TBC1D4: variants seen among roughly 807,000 people sequenced by gnomAD.
The protein encoded by TBC1D4 is TBC (Tre-2, BUB2, CDC16) domain-containing protein.
TBC1D4 carries 121 observed loss-of-function variants against 142.5 expected under a neutral mutation model. The observed-to-expected ratio is 0.85, with a 90% CI of 0.73 to 0.99. The LOEUF (loss-of-function observed/expected upper bound fraction) is 0.99. Ranked by LOEUF, TBC1D4 falls within the 50% of genes least tolerant of loss-of-function variation. The probability of loss-of-function intolerance (pLI) is 0.00; values close to 1 mark genes in which losing one functional copy is unlikely to be tolerated. For synonymous variants in TBC1D4, 630 were observed against 628.2 expected, an observed-to-expected ratio of 1.00 and a Z score of -0.04; for missense variants, 1,475 against 1,606.6, an observed-to-expected ratio of 0.92 and a Z score of 1.40.
At chr13:75,388,221 G>C (rs564333485) in intron 1 of TBC1D4, among the ~76,000 whole-genome samples, 1 of 152,184 alleles carries the variant, frequency 6.6e-6, no homozygotes, top group African/African-American at 2.4e-5. Context: ...TCTGCATCTC[G>C]AGGTCCTTAA....
chr13:75,353,848 C>T (rs187012869), intron 4 of TBC1D4, among the ~76,000 whole-genome samples: 38 of 152,280 alleles, frequency 2.5e-4, no homozygotes, highest in Admixed American at 5.2e-4. Flanking sequence ...GGCTTCCTTC[C>T]CAGCCGGACA....
At chr13:75,387,713 T>C (rs969767497) in intron 1 of TBC1D4, among the ~76,000 whole-genome samples, 1 of 152,240 alleles carries the variant, frequency 6.6e-6, no homozygotes, top group Non-Finnish European at 1.5e-5. Context: ...ATCACTTTGT[T>C]CATTTTCAAG....
In TBC1D4 at chr13:75,478,186, A is replaced by G. The variant is rs80204303; in HGVS notation, c.498+3084T>C. 4.6e-5 allele frequency among the ~76,000 whole-genome samples: 7 copies of G among 152,298 alleles called. No individual in the cohort carries two copies. The East Asian group carries it at 7.7e-4, about 17-fold the overall frequency. On this transcript the variant is annotated intron_variant, in intron 1 of 20. Transcript: ENST00000377636. ...ATACTCTTGAAAACATTATCATTTT[A>G]TATTAGTAACCACAATCCTCCAACT...
chr13:75,299,353 T>C lies in TBC1D4; in HGVS notation c.3133A>G (p.Arg1045Gly), dbSNP rs1876275742. 7 of 1,614,200 alleles carry C rather than the reference T, an allele frequency of 4.3e-6. No individual in the cohort carries two copies. Among genetic ancestry groups the C allele is most frequent in the Non-Finnish European group, 5.9e-6 (7 of 1,180,028 alleles). The change falls in exon 17 of 21, where the codon AGA becomes GGA. Residue 1045 changes from arginine (R) to glycine (G), a missense_variant. This residue lies in a region of TBC1D4 where 248 missense variants were observed against 338.9 expected (regional missense o/e 0.73). Coordinates refer to ENST00000377636, the MANE Select transcript of TBC1D4 (RefSeq NM_014832.5). ...MYDLGFRKQY[R>G]PDMMSLQIQM... is the part of the protein sequence containing the mutation. ...ACCTGCAGCGACATCATGTCAGGTC[T>C]GTACTGCTTGCGGAAGCCGAGGTCA...
intron 1 of TBC1D4, among the ~76,000 whole-genome samples, chr13:75,447,500 A>ATG (rs35775136): frequency 0.5 from 72,237 of 145,060 alleles, 17,430 homozygotes; most frequent in African/African-American, 0.51. Context: ...CATAGTGTGA[A>ATG]TGTGTGTGTG....
chr13:75,433,590 G>A (rs1886675761), intron 1 of TBC1D4, among the ~76,000 whole-genome samples: 1 of 152,132 alleles, frequency 6.6e-6, no homozygotes, highest in African/African-American at 2.4e-5. Context: ...AAGAGAGGCA[G>A]CCCTTTCCTA....
intron 1 of TBC1D4, among the ~76,000 whole-genome samples, chr13:75,405,665 C>T (rs1015252003): frequency 6.6e-6 from 1 of 152,086 alleles, no homozygotes; most frequent in Non-Finnish European, 1.5e-5. Context: ...TTTGTTTTAA[C>T]TTTTTATATT....
Position 75,289,012 on chromosome 13 carries a change from A to G in TBC1D4, c.3585T>C (p.Asp1195=), listed in dbSNP as rs373137539. ...TCTCCAGCTTCTCCAAAGTTTCACT[A>G]TCCTCACAGGAATATGAAGATTCCT... is the stretch of plus-strand genomic sequence containing the variant. ...ELQESSYSCE[D]SETLEKLERA... The change falls in exon 20 of 21, where the codon GAT becomes GAC. Residue 1195 remains aspartate, a synonymous_variant. Coordinates refer to ENST00000377636, the MANE Select transcript of TBC1D4 (RefSeq NM_014832.5). 8.7e-5 allele frequency: 140 copies of G among 1,613,938 alleles called. No homozygotes were observed. The African/African-American group carries it at 1.4e-3, about 16-fold the overall frequency.
At chr13:75,403,541 C>A (rs1378448544) in intron 1 of TBC1D4, among the ~76,000 whole-genome samples, 1 of 152,132 alleles carries the variant, frequency 6.6e-6, no homozygotes, top group Non-Finnish European at 1.5e-5. Flanking sequence ...CCCAACATTT[C>A]CAAAATACAC....
chr13:75,355,530 T>C (rs1324490749), intron 4 of TBC1D4, among the ~76,000 whole-genome samples: 1 of 152,256 alleles, frequency 6.6e-6, no homozygotes, highest in Non-Finnish European at 1.5e-5. Flanking sequence ...ATCAGTTCTC[T>C]GCTTTCACAG....
intron 1 of TBC1D4, among the ~76,000 whole-genome samples, chr13:75,475,228 T>C (rs913316489): frequency 9.2e-5 from 14 of 152,220 alleles, no homozygotes; most frequent in African/African-American, 1.7e-4. Context: ...CCCAGTGAGG[T>C]ATTCAATTTG....
intron 1 of TBC1D4, among the ~76,000 whole-genome samples, chr13:75,419,393 T>C (rs1013429045): frequency 1.3e-5 from 2 of 152,198 alleles, no homozygotes; most frequent in Non-Finnish European, 2.9e-5. Context: ...AATGTATGTA[T>C]CTAGTAAGGA....
intron 1 of TBC1D4, among the ~76,000 whole-genome samples, chr13:75,403,557 G>A (rs1300677565): frequency 6.6e-6 from 1 of 152,094 alleles, no homozygotes; most frequent in African/African-American, 2.4e-5. Context: ...TACACATGCT[G>A]CTCCAAAATA....
chr13:75,328,881 CTG>C (rs1024722215), intron 8 of TBC1D4, among the ~76,000 whole-genome samples: 2 of 152,126 alleles, frequency 1.3e-5, no homozygotes, highest in African/African-American at 4.8e-5. Flanking sequence ...AAAAGTGAAA[CTG>C]TGCTATCAAG....
chr13:75,398,370 A>T (rs1196369142), intron 1 of TBC1D4, among the ~76,000 whole-genome samples: 1 of 152,196 alleles, frequency 6.6e-6, no homozygotes, highest in African/African-American at 2.4e-5. Context: ...TGGAGCCTGA[A>T]GGGCCTCGAG....
In TBC1D4 at chr13:75,326,405, A is replaced by G. The variant is rs1383780810; in HGVS notation, c.1825T>C (p.Ser609Pro). The change falls in exon 10 of 21, where the codon TCT becomes CCT. Residue 609 changes from serine (S) to proline (P), a missense_variant. This residue lies in a region of TBC1D4 where 1,227 missense variants were observed against 1,267.7 expected (regional missense o/e 0.97). Transcript: ENST00000377636. ...GACGCTGGCGGTGTCCCTGGTGGAGAATCCCCTGGTGAGTAGTCCTGAAAC... is the reference window on the plus strand; with the variant it reads ...GACGCTGGCGGTGTCCCTGGTGGAGGATCCCCTGGTGAGTAGTCCTGAAAC... ...ASEKDYSPGD[S>P]PPGTPPASPP... The G allele has an allele frequency of 1.2e-6, 2 of 1,613,992 alleles. No homozygotes were observed. Among genetic ancestry groups the G allele is most frequent in the African/African-American group, 2.7e-5 (2 of 74,904 alleles).
In TBC1D4 at chr13:75,286,644, C is replaced by T. The variant is rs1874696466; in HGVS notation, c.*148G>A. ...TAGGATTGGCATGCTCTGATGAGCA[C>T]GAGGTCCACCTGCTGTGACTAGGCG... is the stretch of plus-strand genomic sequence containing the variant. On this transcript the variant is annotated 3_prime_UTR_variant, in exon 21 of 21. Coordinates refer to ENST00000377636, the MANE Select transcript of TBC1D4 (RefSeq NM_014832.5). 17 of 776,936 alleles carry T rather than the reference C, an allele frequency of 2.2e-5. No individual in the cohort carries two copies. The highest frequency in any genetic ancestry group is 3.0e-5 in the Non-Finnish European group (14 of 460,184). The allele number at this position is 776,936 out of a possible 1,614,324, so 48.1% of individuals were successfully genotyped here.
At chr13:75,352,453 T>C (rs1450206115) in intron 4 of TBC1D4, among the ~76,000 whole-genome samples, 1 of 152,164 alleles carries the variant, frequency 6.6e-6, no homozygotes, top group Non-Finnish European at 1.5e-5. Context: ...TGGAGTTTAC[T>C]TTTTCTTCAT....
Position 75,286,459 on chromosome 13 carries a change from A to C in TBC1D4, c.*333T>G, listed in dbSNP as rs1420635270. 9.7e-6 allele frequency: 2 copies of C among 206,376 alleles called. No individual in the cohort carries two copies. Among genetic ancestry groups the C allele is most frequent in the Non-Finnish European group, 2.0e-5 (2 of 101,500 alleles). The allele number at this position is 206,376 out of a possible 1,614,324, so 12.8% of individuals were successfully genotyped here. A position where few individuals can be genotyped will look rare whatever the true frequency, so the allele number is the denominator to read the frequency against. On this transcript the variant is annotated 3_prime_UTR_variant, in exon 21 of 21. Transcript: ENST00000377636. ...ATATGTCCAAGGGAAATTTCAGTTT[A>C]CCTTTCCTTTGGTGTGGATTTCATG... is the stretch of plus-strand genomic sequence containing the variant.
Sources: gnomAD v4.1 joint callset for allele counts (sites outside exome capture counted in the v4.1 genomes callset) on GRCh38, gnomAD v4.1.1 for gene constraint, gnomAD v4.1.1 regional missense constraint, MANE v1.5 for transcripts, NCBI Gene and HGNC (gene_info 2026-07-23, HGNC 2026-07-21) for gene names.